The following SLC39A3 variants were observed in gnomAD, a reference collection of about 807,000 sequenced individuals.
The protein encoded by SLC39A3 is solute carrier family 39 member 3.
A neutral mutation model predicts 5.1 loss-of-function variants in SLC39A3; 3 were observed. The observed-to-expected ratio is 0.59, with a 90% CI of 0.27 to 1.54. The LOEUF is 1.54. SLC39A3 is among the 40% of genes most tolerant of loss of function. SLC39A3 has a pLI of 0.12. For missense variants in SLC39A3, 412 were observed against 436.4 expected (o/e 0.94, Z 0.50); for synonymous variants, 250 against 218.8 (o/e 1.14, Z -1.26).
chr19:2,736,942 A>G (rs1307793337), intron 2 of SLC39A3, 106 bp downstream of exon 2: 1 of 1,564,780 alleles, frequency 6.4e-7, no homozygotes, highest in Admixed American at 1.9e-5. Context: ...CGTCACCCTT[A>G]CAGCATCAAG....
rs545314716 is a variant in SLC39A3, at chr19:2,734,783, A to C, written c.211-1298T>G. Reference sequence around the variant, plus strand: ...GCAGCAGAAGGCTGTGTTTCCACGGAGAAGCCACTTAACTCCCTCACTGAC... The same window carrying C: ...GCAGCAGAAGGCTGTGTTTCCACGGCGAAGCCACTTAACTCCCTCACTGAC... On this transcript the variant is annotated intron_variant, in intron 2 of 2. Transcript: ENST00000269740. The surrounding 1 kb of genome is among the most constrained non-coding windows in gnomAD (Gnocchi z 4.6). 101 of 985,510 alleles carry C rather than the reference A, an allele frequency of 1.0e-4. 1 individual carries two copies. In the Middle Eastern group the frequency reaches 2.6e-3, roughly 25 times the overall value. 61.0% of individuals were successfully genotyped at this position (985,510 alleles called of 1,614,324 possible).
Position 2,737,111 on chromosome 19 carries a change from G to C in SLC39A3, c.147C>G (p.Thr49=), listed in dbSNP as rs200234074. The change falls in exon 2 of 3, where the codon ACC becomes ACG. Residue 49 remains threonine (T), a synonymous_variant. Transcript: ENST00000269740. ...TGGCCAGAAACACCCCTCCTCCAAAGGTGTTGCAGAGAGAGAGGATCTTTT... is the reference window on the plus strand; with the variant it reads ...TGGCCAGAAACACCCCTCCTCCAAACGTGTTGCAGAGAGAGAGGATCTTTT... The part of the protein sequence containing the change: ...RSKKILSLCN[T]FGGGVFLATC... 190 of 1,614,042 alleles carry C rather than the reference G, an allele frequency of 1.2e-4. No individual in the cohort carries two copies. Among genetic ancestry groups the C allele is most frequent in the Non-Finnish European group, 1.4e-4 (165 of 1,180,030 alleles).
Position 2,732,680 on chromosome 19 carries a change from C to A in SLC39A3, c.*71G>T. On this transcript the variant is annotated 3_prime_UTR_variant, in exon 3 of 3. Coordinates refer to ENST00000269740, the MANE Select transcript of SLC39A3 (RefSeq NM_144564.5). ...TGCTCGCTCTTGGGGGACGCGCGGC[C>A]GGGGGACGCGGCCTGTGTCCGGCCC... 1 of 1,445,870 alleles carries A rather than the reference C, an allele frequency of 6.9e-7. No individual in the cohort carries two copies. The highest frequency in any genetic ancestry group is 9.0e-7 in the Non-Finnish European group (1 of 1,106,186). The allele number at this position is 1,445,870 out of a possible 1,614,324, so 89.6% of individuals were successfully genotyped here. A position where few individuals can be genotyped will look rare whatever the true frequency, so the allele number is the denominator to read the frequency against.
At chr19:2,736,449 C>A in intron 2 of SLC39A3, 1 of 180,826 alleles carries the variant, frequency 5.5e-6, no homozygotes, top group Non-Finnish European at 1.1e-5. Context: ...CTGAGGGCTG[C>A]CCCAGCCAAC....
chr19:2,737,443 G>A (rs1277919940), intron 1 of SLC39A3, 64 bp from the exon 2 acceptor site: 1 of 1,139,262 alleles, frequency 8.8e-7, no homozygotes, highest in African/African-American at 1.6e-5. Flanking sequence ...TTTAGACAGA[G>A]TCTCGCTCTG....
intron 2 of SLC39A3, chr19:2,736,844 C>A (rs1914385393): frequency 6.8e-7 from 1 of 1,471,936 alleles, no homozygotes; most frequent in African/African-American, 1.4e-5. Context: ...AATCCCAGGT[C>A]TGGTCCAAAC....
Position 2,732,890 on chromosome 19 carries a change from G to A in SLC39A3, c.806C>T (p.Ala269Val), listed in dbSNP as rs756650628. ...GGTGATGAAGAGGAAGGTGCCGCCC[G>A]CCAGGCCCTGCAGCAGCACGGACGC... ...SVASVLLQGL[A>V]GGTFLFITFL... is the part of the protein sequence containing the mutation. The change falls in exon 3 of 3, where the codon GCG becomes GTG. Residue 269 changes from alanine to valine, a missense_variant. Physicochemically the swap from Ala to Val is moderately conservative, Grantham distance 64. Coordinates refer to ENST00000269740, the MANE Select transcript of SLC39A3 (RefSeq NM_144564.5). The A allele has an allele frequency of 4.8e-5, 78 of 1,611,732 alleles. 1 individual carries two copies. Among genetic ancestry groups the A allele is most frequent in the South Asian group, 4.0e-4 (36 of 91,034 alleles).
Position 2,734,100 on chromosome 19 carries a change from G to A in SLC39A3, c.211-615C>T, listed in dbSNP as rs956775607. Reference sequence around the variant, plus strand: ...GGGAGAAACTAGACGTGGGTCAGACGGGAGCCGCAGGGCGTCTGCAAGAGG... The same window carrying A: ...GGGAGAAACTAGACGTGGGTCAGACAGGAGCCGCAGGGCGTCTGCAAGAGG... On this transcript the variant is annotated intron_variant, in intron 2 of 2. Coordinates refer to ENST00000269740, the MANE Select transcript of SLC39A3 (RefSeq NM_144564.5). This position sits in a 1 kb window ranked among gnomAD's most constrained non-coding sequence, Gnocchi z 4.6. Among the ~76,000 whole-genome samples the A allele has an allele frequency of 6.6e-5, 10 of 152,244 alleles. No individual in the cohort carries two copies. Among genetic ancestry groups the A allele is most frequent in the Non-Finnish European group, 8.8e-5 (6 of 68,046 alleles).
chr19:2,733,979 T>G lies in SLC39A3; in HGVS notation c.211-494A>C, dbSNP rs1170962925. Among the ~76,000 whole-genome samples, 1 of 152,228 alleles carries G rather than the reference T, an allele frequency of 6.6e-6. No homozygotes were observed. Among genetic ancestry groups the G allele is most frequent in the African/African-American group, 2.4e-5 (1 of 41,452 alleles). On this transcript the variant is annotated intron_variant, in intron 2 of 2. Coordinates refer to ENST00000269740, the MANE Select transcript of SLC39A3 (RefSeq NM_144564.5). This position sits in a 1 kb window ranked among gnomAD's most constrained non-coding sequence, Gnocchi z 6.1. ...AAAGAGCTGCACTGGCCTTGCGTGTTCTGCCGCGGGGCCTCCTCTCTGCTT... is the reference window on the plus strand; with the variant it reads ...AAAGAGCTGCACTGGCCTTGCGTGTGCTGCCGCGGGGCCTCCTCTCTGCTT...
chr19:2,732,529 T>C lies in SLC39A3; in HGVS notation c.*222A>G, dbSNP rs1028295593. On this transcript the variant is annotated 3_prime_UTR_variant, in exon 3 of 3. Coordinates refer to ENST00000269740, the MANE Select transcript of SLC39A3 (RefSeq NM_144564.5). ...GGTTGACATGGCCACACAGCTTTGG[T>C]AAAGACTTTTAAGAGAAAGAAGTAT... 2 of 1,430,606 alleles carry C rather than the reference T, an allele frequency of 1.4e-6. No homozygotes were observed. The highest frequency in any genetic ancestry group is 1.8e-6 in the Non-Finnish European group (2 of 1,097,248). The allele number at this position is 1,430,606 out of a possible 1,614,324, so 88.6% of individuals were successfully genotyped here.
intron 1 of SLC39A3, among the ~76,000 whole-genome samples, chr19:2,738,395 GA>G (rs1914444846): frequency 6.6e-6 from 1 of 151,898 alleles, no homozygotes; most frequent in South Asian, 2.1e-4. Context: ...CCCATGCCCC[GA>G]AATAAAGTCT....
At position 2,732,887 on chromosome 19, in the gene SLC39A3, C is replaced by T. The variant is rs1254423384; in HGVS notation, c.809G>A (p.Gly270Asp). The stretch of plus-strand genomic sequence containing the variant: ...GAAGGTGATGAAGAGGAAGGTGCCG[C>T]CCGCCAGGCCCTGCAGCAGCACGGA... The part of the protein sequence containing the change: ...VASVLLQGLA[G>D]GTFLFITFLE... Residue 270 changes from glycine (G) to aspartate (D), a missense_variant, in exon 3 of 3, where the codon GGC (glycine) becomes GAC (aspartate). By Grantham distance (94) the Gly-to-Asp change is moderately conservative. Transcript: ENST00000269740. The T allele has an allele frequency of 6.2e-7, 1 of 1,611,916 alleles. No individual in the cohort carries two copies. Among genetic ancestry groups the T allele is most frequent in the East Asian group, 2.2e-5 (1 of 44,854 alleles).
intron 1 of SLC39A3, 139 bp downstream of exon 1, chr19:2,739,806 T>C (rs1285789196): frequency 2.6e-5 from 4 of 152,272 alleles, no homozygotes; most frequent in Non-Finnish European, 5.9e-5. Context: ...CAGCACTTAT[T>C]GAGCGCCTTC....
chr19:2,738,547 T>C (rs1375726651), intron 1 of SLC39A3, among the ~76,000 whole-genome samples: 1 of 152,176 alleles, frequency 6.6e-6, no homozygotes, highest in Non-Finnish European at 1.5e-5. Flanking sequence ...AACACTGCTC[T>C]CTTTCCCCTG....
chr19:2,737,503 C>A lies in SLC39A3; in HGVS notation c.-122-124G>T, dbSNP rs1914410017. 1.1e-5 allele frequency: 6 copies of A among 570,390 alleles called. No homozygotes were observed. In the African/African-American group the frequency reaches 1.1e-4, roughly 11 times the overall value. The allele number at this position is 570,390 out of a possible 1,614,324, so 35.3% of individuals were successfully genotyped here. On this transcript the variant is annotated intron_variant, in intron 1 of 2. Coordinates refer to ENST00000269740, the MANE Select transcript of SLC39A3 (RefSeq NM_144564.5). ...CAATCTCCGCTCACTGCAACCTCCG[C>A]TTCCTGGATTCAAGCAATTCTCCTG... is the stretch of plus-strand genomic sequence containing the variant.
chr19:2,733,571 G>A lies in SLC39A3; in HGVS notation c.211-86C>T. On this transcript the variant is annotated intron_variant, in intron 2 of 2. Transcript: ENST00000269740. This position sits in a 1 kb window ranked among gnomAD's most constrained non-coding sequence, Gnocchi z 6.1. ...GGCTGGCCAGATGTCACCGTTCAAA[G>A]CAAAGTCCAGAAATCCCCGATTCAC... 1.3e-6 allele frequency: 2 copies of A among 1,490,982 alleles called. No homozygotes were observed. The highest frequency in any genetic ancestry group is 1.8e-6 in the Non-Finnish European group (2 of 1,117,998). 92.4% of individuals were successfully genotyped at this position (1,490,982 alleles called of 1,614,324 possible). A position where few individuals can be genotyped will look rare whatever the true frequency, so the allele number is the denominator to read the frequency against.
Position 2,732,613 on chromosome 19 carries a change from C to T in SLC39A3, c.*138G>A, listed in dbSNP as rs1914227978. The stretch of plus-strand genomic sequence containing the variant: ...GTAGGATCGGGGGCACAGCCTGGTC[C>T]CGGGAGGCCCCTTGTGCACAGGTGG... On this transcript the variant is annotated 3_prime_UTR_variant, in exon 3 of 3. Transcript: ENST00000269740. 8 of 1,354,510 alleles carry T rather than the reference C, an allele frequency of 5.9e-6. No individual in the cohort carries two copies. In the South Asian group the frequency reaches 1.3e-4, roughly 23 times the overall value. The allele number at this position is 1,354,510 out of a possible 1,614,324, so 83.9% of individuals were successfully genotyped here.
At chr19:2,739,783 T>G (rs536016458) in intron 1 of SLC39A3, among the ~76,000 whole-genome samples, 162 bp downstream of exon 1, 3 of 152,228 alleles carry the variant, frequency 2.0e-5, no homozygotes, top group Admixed American at 6.5e-5. Flanking sequence ...GGGCACGGGC[T>G]CATTCATTCA....
chr19:2,737,490 AC>A, intron 1 of SLC39A3, 111 bp from the exon 2 acceptor site: 1 of 648,820 alleles, frequency 1.5e-6, no homozygotes, highest in Admixed American at 3.6e-5. Flanking sequence ...ATCTCCGCTC[AC>A]TGCAACCTCC....
Sources: allele counts gnomAD v4.1 joint callset (sites outside exome capture counted in the v4.1 genomes callset), GRCh38; gene constraint gnomAD v4.1.1; non-coding constraint Gnocchi (gnomAD v3.1); transcripts MANE v1.5; gene names NCBI Gene and HGNC (gene_info 2026-07-23, HGNC 2026-07-21).